ARL15: variants seen among roughly 807,000 people sequenced by gnomAD.
The protein encoded by ARL15 is ARF like GTPase 15.
In ARL15, 19 loss-of-function variants were observed where a neutral mutation model predicts 25.2. The ratio of observed to expected loss-of-function variants is 0.75; its 90% CI spans 0.53 to 1.10. ARL15 has a LOEUF of 1.10. Ranked by LOEUF, ARL15 falls within the 50% of genes least tolerant of loss-of-function variation. The probability of loss-of-function intolerance (pLI) is 0.00; values close to 1 mark genes in which losing one functional copy is unlikely to be tolerated. For missense variants in ARL15, 220 were observed against 246.0 expected, an observed-to-expected ratio of 0.89 and a Z score of 0.71; for synonymous variants, 94 against 86.8, an observed-to-expected ratio of 1.08 and a Z score of -0.46.
At chr5:54,072,250 T>C (rs1027842500) in intron 4 of ARL15, among the ~76,000 whole-genome samples, 2 of 152,194 alleles carry the variant, frequency 1.3e-5, no homozygotes, top group Admixed American at 1.3e-4. Flanking sequence ...CTACCATCTG[T>C]ACTCCCAGTT....
chr5:53,946,037 C>T (rs1463084764), intron 4 of ARL15, among the ~76,000 whole-genome samples: 1 of 152,210 alleles, frequency 6.6e-6, no homozygotes, highest in African/African-American at 2.4e-5. Flanking sequence ...GGAACCCTCA[C>T]TCTTTCAAAT....
In ARL15 at chr5:53,912,812, G is replaced by A. The variant is rs563489428; in HGVS notation, c.463-26099C>T. Among the ~76,000 whole-genome samples the A allele has an allele frequency of 2.2e-3, 337 of 152,342 alleles. 1 individual carries two copies. The highest frequency in any genetic ancestry group is 3.9e-3 in the Non-Finnish European group (264 of 68,040). On this transcript the variant is annotated intron_variant, in intron 4 of 4. Transcript: ENST00000504924. Reference sequence around the variant, plus strand: ...CTCAACAGGAACCTACTACATGCCAGATACTCTTCTAGAGACTAAAGATAG... The same window carrying A: ...CTCAACAGGAACCTACTACATGCCAAATACTCTTCTAGAGACTAAAGATAG...
chr5:54,083,682 G>A (rs531296567), intron 4 of ARL15, among the ~76,000 whole-genome samples: 78 of 152,132 alleles, frequency 5.1e-4, no homozygotes, highest in African/African-American at 1.8e-3. Context: ...TGTAAATGTT[G>A]GTTCTCTGAG....
intron 1 of ARL15, among the ~76,000 whole-genome samples, chr5:54,198,986 A>G (rs1755635932): frequency 6.6e-6 from 1 of 151,868 alleles, no homozygotes; most frequent in Non-Finnish European, 1.5e-5. Context: ...CCTCAGAAAT[A>G]ATGCCACATA....
chr5:54,272,012 T>C (rs980448623), intron 1 of ARL15, among the ~76,000 whole-genome samples: 8 of 150,294 alleles, frequency 5.3e-5, no homozygotes, highest in African/African-American at 1.9e-4. Flanking sequence ...GGTGTAATCA[T>C]AACTTGGTGC....
chr5:54,212,514 C>T (rs1002415926), intron 1 of ARL15, among the ~76,000 whole-genome samples: 5 of 152,130 alleles, frequency 3.3e-5, no homozygotes, highest in Admixed American at 2.0e-4. Context: ...GCTGAGAAAA[C>T]AGGGAACACA....
At chr5:54,149,899 T>C (rs1210940714) in intron 3 of ARL15, among the ~76,000 whole-genome samples, 7 of 152,102 alleles carry the variant, frequency 4.6e-5, no homozygotes, top group Non-Finnish European at 8.8e-5. Flanking sequence ...AAAGACTATA[T>C]AGGAAAACAA....
chr5:54,246,913 GA>G (rs1757104072), intron 1 of ARL15, among the ~76,000 whole-genome samples: 1 of 150,802 alleles, frequency 6.6e-6, no homozygotes, highest in Non-Finnish European at 1.5e-5. Flanking sequence ...GGGTGATTAA[GA>G]AAAAAATGTC....
intron 1 of ARL15, among the ~76,000 whole-genome samples, chr5:54,238,186 C>T (rs1452043214): frequency 2.0e-5 from 3 of 152,076 alleles, no homozygotes; most frequent in South Asian, 4.1e-4. Context: ...GAATGGAAAA[C>T]GAGGGAGCAA....
chr5:53,956,931 G>GA (rs1436632864), intron 4 of ARL15, among the ~76,000 whole-genome samples: 1 of 151,492 alleles, frequency 6.6e-6, no homozygotes, highest in African/African-American at 2.4e-5. Context: ...AAAGGATGAA[G>GA]AAAAATGATC....
At chr5:54,309,763 A>G (rs992853132) in intron 1 of ARL15, among the ~76,000 whole-genome samples, 14 of 152,098 alleles carry the variant, frequency 9.2e-5, no homozygotes, top group African/African-American at 3.1e-4. Context: ...TTCCCACCTA[A>G]ACTTCTCAGC....
intron 4 of ARL15, among the ~76,000 whole-genome samples, chr5:53,975,522 C>T (rs62372398): frequency 2.6e-5 from 4 of 152,202 alleles, no homozygotes; most frequent in African/African-American, 9.6e-5. Context: ...GGGCAGTAAG[C>T]AGCAGCATGC....
chr5:53,995,145 C>T (rs1010082747), intron 4 of ARL15, among the ~76,000 whole-genome samples: 13 of 151,960 alleles, frequency 8.6e-5, no homozygotes, highest in African/African-American at 3.1e-4. Flanking sequence ...CCCATCTCTA[C>T]TAAAAATACA....
At chr5:54,149,061 C>T (rs931717589) in intron 3 of ARL15, among the ~76,000 whole-genome samples, 22 of 152,072 alleles carry the variant, frequency 1.4e-4, no homozygotes, top group East Asian at 5.8e-4. Context: ...AGCTAAATGC[C>T]GTGACATCAC....
intron 1 of ARL15, among the ~76,000 whole-genome samples, chr5:54,308,692 T>A (rs1758821088): frequency 6.6e-6 from 1 of 152,232 alleles, no homozygotes; most frequent in Admixed American, 6.5e-5. Context: ...ACTATGCCTA[T>A]CTAGAGGTTA....
chr5:54,211,073 T>G (rs1756025342), intron 1 of ARL15, among the ~76,000 whole-genome samples: 1 of 152,244 alleles, frequency 6.6e-6, no homozygotes, highest in Admixed American at 6.5e-5. Context: ...TAGGATTATT[T>G]TTATTGTTCA....
intron 1 of ARL15, among the ~76,000 whole-genome samples, chr5:54,221,693 C>T (rs778879854): frequency 1.3e-5 from 2 of 152,116 alleles, no homozygotes; most frequent in African/African-American, 2.4e-5. Context: ...GCATAAACTT[C>T]ACACAAATAA....
intron 4 of ARL15, among the ~76,000 whole-genome samples, chr5:53,927,917 C>T (rs985848746): frequency 6.6e-6 from 1 of 152,150 alleles, no homozygotes; most frequent in Admixed American, 6.5e-5. Flanking sequence ...CCCTTAACCA[C>T]CCCGGGCTTC....
At chr5:54,291,341 T>A (rs1042314333) in intron 1 of ARL15, among the ~76,000 whole-genome samples, 1 of 152,228 alleles carries the variant, frequency 6.6e-6, no homozygotes, top group Admixed American at 6.5e-5. Flanking sequence ...AGTTCCTATA[T>A]GAAATGCTGT....
Sources: allele counts gnomAD v4.1 joint callset (sites outside exome capture counted in the v4.1 genomes callset), GRCh38; gene constraint gnomAD v4.1.1; transcripts MANE v1.5; gene names NCBI Gene and HGNC (gene_info 2026-07-23, HGNC 2026-07-21).